TENM3: variants seen among roughly 807,000 people sequenced by gnomAD.
TENM3 encodes teneurin-3.
A neutral mutation model predicts 255.1 loss-of-function variants in TENM3; 63 were observed. The observed-to-expected ratio is 0.25, with a 90% CI of 0.20 to 0.30. TENM3 has a LOEUF of 0.30. Ranked by LOEUF, TENM3 falls within the 10% of genes least tolerant of loss-of-function variation. The pLI, the probability that TENM3 is intolerant of heterozygous loss-of-function variation, is 1.00. For missense variants in TENM3, 2,929 were observed against 3,461.1 expected (o/e 0.85, Z 3.86); for synonymous variants, 1,306 against 1,322.3 (o/e 0.99, Z 0.27).
At chr4:181,660,458 A>G in the TENM3 span, among the ~76,000 whole-genome samples, 2 of 152,186 alleles carry the variant, frequency 1.3e-5, no homozygotes, top group African/African-American at 2.4e-5. Context: ...TCTATGAGAA[A>G]ATTGAGGCAA....
At chr4:182,618,097 A>G (rs912415649) in intron 4 of TENM3, among the ~76,000 whole-genome samples, 4 of 152,202 alleles carry the variant, frequency 2.6e-5, no homozygotes, top group African/African-American at 7.2e-5. Context: ...ACTATTTTCT[A>G]TGAAGATAAC....
chr4:182,754,744 CCA>C lies in TENM3; in HGVS notation c.4378_4379del (p.Gln1460GlufsTer42). On this transcript the variant is annotated frameshift_variant, in exon 22 of 28. Transcript: ENST00000511685. LOFTEE classifies it high-confidence loss of function. This position sits in a 1 kb window ranked among gnomAD's most constrained non-coding sequence, Gnocchi z 5.1. ...AAAATGATGCCAACTGTGACTGTTACCAGAGTGGAGATGGCTACGCCAAGGAT... is the reference window on the plus strand; with the variant it reads ...AAAATGATGCCAACTGTGACTGTTACGAGTGGAGATGGCTACGCCAAGGAT... ...CKNDANCDCY[Q>X]SGDGYAKDAK... 6.2e-7 allele frequency: 1 copy of C among 1,614,036 alleles called. No homozygotes were observed. The highest frequency in any genetic ancestry group is 8.5e-7 in the Non-Finnish European group (1 of 1,179,906).
At chr4:181,941,072 T>C in the TENM3 span, among the ~76,000 whole-genome samples, 1 of 152,216 alleles carries the variant, frequency 6.6e-6, no homozygotes, top group South Asian at 2.1e-4. Context: ...TTCAGAAGAC[T>C]GCGAGAATGG....
intron 3 of TENM3, among the ~76,000 whole-genome samples, chr4:182,482,592 ATTTC>A (rs745620338): frequency 1.9e-4 from 29 of 152,268 alleles, no homozygotes; most frequent in Middle Eastern, 6.8e-3. Flanking sequence ...AAATGAGAAA[ATTTC>A]TTTCTTAACC....
At chr4:182,493,326 A>G (rs1332690028) in intron 3 of TENM3, among the ~76,000 whole-genome samples, 1 of 152,178 alleles carries the variant, frequency 6.6e-6, no homozygotes, top group African/African-American at 2.4e-5. Context: ...ACAAGCTGCA[A>G]TAAACTAGTT....
intron 1 of TENM3, among the ~76,000 whole-genome samples, chr4:182,148,661 C>CT (rs1750123775): frequency 6.6e-6 from 1 of 151,964 alleles, no homozygotes. Context: ...TGTGTTATAA[C>CT]TTTATTTCAT....
chr4:182,377,305 T>G (rs1190543191), intron 3 of TENM3, among the ~76,000 whole-genome samples: 1 of 152,118 alleles, frequency 6.6e-6, no homozygotes, highest in Non-Finnish European at 1.5e-5. Flanking sequence ...CATTTTGTAT[T>G]TATTTATTCA....
In TENM3 at chr4:182,661,192, A is replaced by ATTT. The variant is rs35208231; in HGVS notation, c.1111+7323_1111+7325dup. Reference sequence around the variant, plus strand: ...CAATTCCAATTGCTTTTAAATTTTAATTTTTTTTTTTTTTTTTTTTTTTTT... The same window carrying ATTT: ...CAATTCCAATTGCTTTTAAATTTTAATTTTTTTTTTTTTTTTTTTTTTTTTTTT... On this transcript the variant is annotated intron_variant, in intron 6 of 27. Coordinates refer to ENST00000511685, the MANE Select transcript of TENM3 (RefSeq NM_001080477.4). Among the ~76,000 whole-genome samples the ATTT allele has an allele frequency of 7.8e-4, 69 of 88,604 alleles. 3 individuals carry two copies. The highest frequency in any genetic ancestry group is 2.8e-3 in the African/African-American group (60 of 21,586). 58.1% of individuals were successfully genotyped at this position (88,604 alleles called of 152,430 possible).
At chr4:181,608,385 A>G in the TENM3 span, among the ~76,000 whole-genome samples, 1 of 152,150 alleles carries the variant, frequency 6.6e-6, no homozygotes, top group African/African-American at 2.4e-5. Flanking sequence ...CGTGCAGTGT[A>G]TTGGAGGGGG....
intron 1 of TENM3, among the ~76,000 whole-genome samples, chr4:182,253,037 A>G (rs996306792): frequency 3.3e-5 from 5 of 152,366 alleles, no homozygotes; most frequent in African/African-American, 1.2e-4. Context: ...TGAAAGGAGA[A>G]AGAAAATGAT....
the TENM3 span, among the ~76,000 whole-genome samples, chr4:181,454,624 AT>A: frequency 1.5e-5 from 1 of 68,026 alleles, no homozygotes; most frequent in Non-Finnish European, 3.0e-5. Context: ...TTTGTATATC[AT>A]TTTTATACCA....
intron 1 of TENM3, among the ~76,000 whole-genome samples, chr4:182,290,044 G>A (rs1318105471): frequency 6.6e-6 from 1 of 152,078 alleles, no homozygotes; most frequent in Non-Finnish European, 1.5e-5. Flanking sequence ...CTCCAAGAAG[G>A]CCTCTCTGCC....
At chr4:181,581,878 G>A in the TENM3 span, among the ~76,000 whole-genome samples, 2 of 151,750 alleles carry the variant, frequency 1.3e-5, no homozygotes, top group East Asian at 2.0e-4. Context: ...GATTACAGGC[G>A]CCCACCGCCA....
chr4:181,533,736 T>TAA, the TENM3 span, among the ~76,000 whole-genome samples: 906 of 143,992 alleles, frequency 6.3e-3, 9 homozygotes, highest in African/African-American at 0.022. Context: ...GCCTTTAAAT[T>TAA]AAAAAAAAAA....
chr4:181,653,150 A>G, the TENM3 span, among the ~76,000 whole-genome samples: 8 of 152,162 alleles, frequency 5.3e-5, no homozygotes, highest in African/African-American at 1.9e-4. Context: ...GGCAGGGCTG[A>G]CCAGGACCCT....
the TENM3 span, among the ~76,000 whole-genome samples, chr4:181,800,048 T>TG: frequency 2.6e-5 from 4 of 152,182 alleles, no homozygotes; most frequent in South Asian, 8.3e-4. Flanking sequence ...CCAGAGCTTC[T>TG]GGTTCTTCAA....
the TENM3 span, among the ~76,000 whole-genome samples, chr4:181,982,261 G>A: frequency 2.6e-5 from 4 of 152,150 alleles, no homozygotes; most frequent in Middle Eastern, 3.2e-3. Flanking sequence ...AAAAGACCAC[G>A]TTGAACAAGA....
the TENM3 span, among the ~76,000 whole-genome samples, chr4:181,856,588 C>T: frequency 7.2e-5 from 11 of 152,120 alleles, no homozygotes; most frequent in Non-Finnish European, 1.3e-4. Context: ...GCAATAGTGC[C>T]GAATTGTTTC....
chr4:182,227,113 C>A (rs1255161597), intron 1 of TENM3, among the ~76,000 whole-genome samples: 1 of 152,160 alleles, frequency 6.6e-6, no homozygotes. Context: ...ACAGCTCAAG[C>A]AGTAGACACT....
Sources: allele counts gnomAD v4.1 joint callset (sites outside exome capture counted in the v4.1 genomes callset), GRCh38; gene constraint gnomAD v4.1.1; non-coding constraint Gnocchi (gnomAD v3.1); transcripts MANE v1.5; gene names NCBI Gene and HGNC (gene_info 2026-07-23, HGNC 2026-07-21).